SF3B3: variants seen among roughly 807,000 people sequenced by gnomAD.
SF3B3 encodes the protein splicing factor 3b subunit 3.
A neutral mutation model predicts 139.2 loss-of-function variants in SF3B3; 33 were observed. That is an observed-to-expected ratio of 0.24 (90% CI 0.18 to 0.32). The LOEUF (loss-of-function observed/expected upper bound fraction) is 0.32. Ranked by LOEUF, SF3B3 falls within the 10% of genes least tolerant of loss-of-function variation. SF3B3 has a pLI of 1.00. For synonymous variants in SF3B3, 596 were observed against 563.6 expected (o/e 1.06, Z -0.81); for missense variants, 818 against 1,509.4 (o/e 0.54, Z 7.59).
intron 15 of SF3B3, among the ~76,000 whole-genome samples, chr16:70,558,221 G>C (rs2050395889): frequency 6.6e-6 from 1 of 151,900 alleles, no homozygotes; most frequent in East Asian, 1.9e-4. Flanking sequence ...TGAACTACAG[G>C]TGTAATTTAA....
intron 8 of SF3B3, 65 bp from the exon 9 acceptor site, chr16:70,541,604 T>C (rs778303218): frequency 2.1e-4 from 283 of 1,327,152 alleles, no homozygotes; most frequent in Admixed American, 8.4e-4. Context: ...TTTATGTTGA[T>C]GCCAGACATT....
intron 16 of SF3B3, 35 bp from the exon 17 acceptor site, chr16:70,561,595 A>G (rs1597721632): frequency 8.1e-6 from 13 of 1,597,358 alleles, no homozygotes; most frequent in Non-Finnish European, 9.4e-6. Context: ...TTTTTCCCAA[A>G]CCTTATTGGA....
chr16:70,568,602 A>G (rs1392341556), intron 22 of SF3B3, 107 bp downstream of exon 22: 6 of 806,970 alleles, frequency 7.4e-6, no homozygotes, highest in Non-Finnish European at 1.0e-5. Flanking sequence ...AAAAATGGAT[A>G]TAAAATTCCA....
At chr16:70,526,414 C>T (rs1314632783) in intron 1 of SF3B3, among the ~76,000 whole-genome samples, 173 bp from the exon 2 acceptor site, 1 of 152,012 alleles carries the variant, frequency 6.6e-6, no homozygotes, top group South Asian at 2.1e-4. Flanking sequence ...CACTGTGTTG[C>T]CCAAGCTGGT....
At chr16:70,545,845 G>A (rs564167345) in intron 10 of SF3B3, among the ~76,000 whole-genome samples, 2 of 152,268 alleles carry the variant, frequency 1.3e-5, no homozygotes, top group East Asian at 1.9e-4. Context: ...TGAAGTGTTC[G>A]ATAAATGTTA....
At chr16:70,562,819 ATTATTT>A (rs2050441832) in intron 17 of SF3B3, among the ~76,000 whole-genome samples, 1 of 151,814 alleles carries the variant, frequency 6.6e-6, no homozygotes, top group African/African-American at 2.4e-5. Flanking sequence ...TTTTTATTTA[ATTATTT>A]TTATTTTTAA....
In SF3B3 at chr16:70,574,103, A is replaced by T. The variant is rs1202053422; in HGVS notation, c.*2290A>T. 6.6e-6 allele frequency: 1 copy of T among 152,182 alleles called. No individual in the cohort carries two copies. The highest frequency in any genetic ancestry group is 2.4e-5 in the African/African-American group (1 of 41,458). The allele number at this position is 152,182 out of a possible 1,614,324, so 9.4% of individuals were successfully genotyped here. ...CGCTGCTGCCTTTCTTGAGCTTGTT[A>T]GAGGAAAGCCAGAAAGGCATTCAGA... On this transcript the variant is annotated 3_prime_UTR_variant, in exon 26 of 26. Coordinates refer to ENST00000302516, the MANE Select transcript of SF3B3 (RefSeq NM_012426.5).
chr16:70,562,744 C>G (rs1207217764), intron 17 of SF3B3, among the ~76,000 whole-genome samples: 4 of 152,170 alleles, frequency 2.6e-5, no homozygotes, highest in South Asian at 4.1e-4. Context: ...TACTTCCCCC[C>G]AAAACTAAAT....
At chr16:70,541,594 T>C in intron 8 of SF3B3, 75 bp from the exon 9 acceptor site, 1 of 1,215,806 alleles carries the variant, frequency 8.2e-7, no homozygotes, top group Non-Finnish European at 1.2e-6. Flanking sequence ...TAGCTTGTGC[T>C]TTATGTTGAT....
chr16:70,551,440 G>A (rs1391893204), intron 11 of SF3B3, among the ~76,000 whole-genome samples: 1 of 152,024 alleles, frequency 6.6e-6, no homozygotes, highest in Non-Finnish European at 1.5e-5. Context: ...GGCTGGGCGC[G>A]GTGGCTCACG....
chr16:70,565,227 A>T lies in SF3B3; in HGVS notation c.2626A>T (p.Thr876Ser), dbSNP rs747583257. 1 of 1,614,222 alleles carries T rather than the reference A, an allele frequency of 6.2e-7. No individual in the cohort carries two copies. Among genetic ancestry groups the T allele is most frequent in the East Asian group, 2.2e-5 (1 of 44,888 alleles). The change falls in exon 19 of 26, where the codon ACA becomes TCA. Residue 876 changes from threonine (T) to serine (S), a missense_variant. By Grantham distance (58) the Thr-to-Ser change is moderately conservative. Coordinates refer to ENST00000302516, the MANE Select transcript of SF3B3 (RefSeq NM_012426.5). ...IRVMNPIQGN[T>S]LDLVQLEQNE... is the part of the protein sequence containing the mutation. ...AGTGATGAATCCCATTCAAGGGAAC[A>T]CACTGGACCTTGTCCAGCTGGAACA...
chr16:70,562,977 A>G (rs2050443683), intron 17 of SF3B3, among the ~76,000 whole-genome samples: 1 of 152,014 alleles, frequency 6.6e-6, no homozygotes, highest in African/African-American at 2.4e-5. Flanking sequence ...CTGTAGGCGC[A>G]TGCCATCATG....
intron 1 of SF3B3, among the ~76,000 whole-genome samples, chr16:70,525,218 G>T (rs746481351): frequency 6.6e-5 from 10 of 151,744 alleles, no homozygotes; most frequent in Non-Finnish European, 1.5e-4. Context: ...TTAGTAGAGG[G>T]GTTTTCACTG....
In SF3B3 at chr16:70,557,016, A is replaced by G; in HGVS notation, c.1997A>G (p.Asn666Ser). The change falls in exon 15 of 26, where the codon AAT becomes AGT. Residue 666 changes from asparagine to serine, a missense_variant. By Grantham distance (46) the Asn-to-Ser change is conservative. Transcript: ENST00000302516. The stretch of plus-strand genomic sequence containing the variant: ...GGCTCGATTGGCTTCCTATACCTGA[A>G]TATTGGGCTACAGGTAAGAGATCCA... ...ERGSIGFLYL[N>S]IGLQNGVLLR... 1 of 1,610,962 alleles carries G rather than the reference A, an allele frequency of 6.2e-7. No homozygotes were observed. Among genetic ancestry groups the G allele is most frequent in the Non-Finnish European group, 8.5e-7 (1 of 1,178,810 alleles).
rs149217905 is a variant in SF3B3, at chr16:70,571,176, C to T, written c.3490C>T (p.Arg1164Cys). The T allele has an allele frequency of 6.2e-7, 1 of 1,612,970 alleles. No individual in the cohort carries two copies. Among genetic ancestry groups the T allele is most frequent in the Middle Eastern group, 1.7e-4 (1 of 6,060 alleles). Residue 1164 changes from arginine to cysteine, a missense_variant, in exon 25 of 26, where the codon CGC (arginine) becomes TGC (cysteine). By Grantham distance (180) the Arg-to-Cys change is radical. Transcript: ENST00000302516. ...PLCGRDHLSF[R>C]SYYFPVKNVI... ...CTGTGGGCGGGACCACCTCAGCTTTCGCTCCTACTACTTCCCTGTGAAGGT... is the reference window on the plus strand; with the variant it reads ...CTGTGGGCGGGACCACCTCAGCTTTTGCTCCTACTACTTCCCTGTGAAGGT...
chr16:70,557,171 C>A, intron 15 of SF3B3, 142 bp downstream of exon 15: 2 of 820,864 alleles, frequency 2.4e-6, no homozygotes, highest in Non-Finnish European at 3.7e-6. Flanking sequence ...CTCTGGGTTC[C>A]ACTTTTCTCA....
intron 25 of SF3B3, 23 bp from the exon 26 acceptor site, chr16:70,571,650 T>C (rs745913570): frequency 7.5e-6 from 12 of 1,592,910 alleles, no homozygotes; most frequent in African/African-American, 6.8e-5. Flanking sequence ...ATTTTTTTTC[T>C]TTCTGCTTTC....
At chr16:70,558,273 T>G (rs1485093470) in intron 15 of SF3B3, among the ~76,000 whole-genome samples, 1 of 25,624 alleles carries the variant, frequency 3.9e-5, no homozygotes, top group Non-Finnish European at 5.9e-5. Flanking sequence ...AATTTTAATG[T>G]TTTTTTTTTT....
chr16:70,533,262 G>T (rs1213359818), intron 5 of SF3B3, among the ~76,000 whole-genome samples: 1 of 152,096 alleles, frequency 6.6e-6, no homozygotes, highest in Non-Finnish European at 1.5e-5. Context: ...GGCTGAGGCA[G>T]GAGCATCACT....
Sources: gnomAD v4.1 joint callset for allele counts (sites outside exome capture counted in the v4.1 genomes callset) on GRCh38, gnomAD v4.1.1 for gene constraint, MANE v1.5 for transcripts, NCBI Gene and HGNC (gene_info 2026-07-23, HGNC 2026-07-21) for gene names.